Variants in NAA40 observed in about 807,000 individuals in gnomAD.
NAA40 encodes the protein N-alpha-acetyltransferase 40, NatD catalytic subunit, also known as N-alpha-acetyltransferase 40.
NAA40 carries 26 observed loss-of-function variants against 36.6 expected under a neutral mutation model. The observed-to-expected ratio is 0.71, with a 90% CI of 0.52 to 0.98. NAA40 has a LOEUF of 0.98. Ranked by LOEUF, NAA40 falls within the 50% of genes least tolerant of loss-of-function variation. The pLI, the probability that NAA40 is intolerant of heterozygous loss-of-function variation, is 0.00. For missense variants in NAA40, 237 were observed against 306.5 expected (o/e 0.77, Z 1.69); for synonymous variants, 129 against 108.4 (o/e 1.19, Z -1.18).
At chr11:63,942,185 G>A (rs1942119073) in intron 1 of NAA40, among the ~76,000 whole-genome samples, 1 of 152,136 alleles carries the variant, frequency 6.6e-6, no homozygotes, top group African/African-American at 2.4e-5. Flanking sequence ...GGAGTGGGAG[G>A]AAGAGACCGC....
At chr11:63,950,384 G>A (rs1942260409) in intron 3 of NAA40, among the ~76,000 whole-genome samples, 1 of 152,088 alleles carries the variant, frequency 6.6e-6, no homozygotes, top group South Asian at 2.1e-4. Context: ...CTCCCGAAGT[G>A]CTGAGATTGT....
At chr11:63,946,872 C>G in intron 2 of NAA40, 79 bp from the exon 3 acceptor site, 1 of 1,608,878 alleles carries the variant, frequency 6.2e-7, no homozygotes, top group Admixed American at 1.7e-5. Flanking sequence ...CATCCCACTC[C>G]AAGACAACAG....
Position 63,956,484 on chromosome 11 carries a change from A to G in NAA40, c.*2005A>G, listed in dbSNP as rs1472705968. Reference sequence around the variant, plus strand: ...TCCAGTCACTGGATACGTGGCACCAACTGGTCAATGGGTGCTTGGTGCCAT... The same window carrying G: ...TCCAGTCACTGGATACGTGGCACCAGCTGGTCAATGGGTGCTTGGTGCCAT... On this transcript the variant is annotated 3_prime_UTR_variant, in exon 8 of 8. Coordinates refer to ENST00000377793, the MANE Select transcript of NAA40 (RefSeq NM_024771.4). 6.6e-6 allele frequency: 1 copy of G among 152,488 alleles called. No homozygotes were observed. The highest frequency in any genetic ancestry group is 1.5e-5 in the Non-Finnish European group (1 of 68,044). The allele number at this position is 152,488 out of a possible 1,614,324, so 9.4% of individuals were successfully genotyped here. A position where few individuals can be genotyped will look rare whatever the true frequency, so the allele number is the denominator to read the frequency against.
chr11:63,943,587 G>A (rs1229818772), intron 1 of NAA40, among the ~76,000 whole-genome samples: 1 of 152,154 alleles, frequency 6.6e-6, no homozygotes, highest in Non-Finnish European at 1.5e-5. Flanking sequence ...CTGCAGAACT[G>A]AGTGGTCACA....
intron 3 of NAA40, among the ~76,000 whole-genome samples, chr11:63,951,139 T>C (rs571041379): frequency 5.2e-4 from 79 of 152,316 alleles, no homozygotes; most frequent in African/African-American, 1.8e-3. Flanking sequence ...CTGAAAGGTA[T>C]TGATACGGGA....
chr11:63,943,441 A>G (rs948642858), intron 1 of NAA40, among the ~76,000 whole-genome samples: 3 of 152,176 alleles, frequency 2.0e-5, no homozygotes, highest in Admixed American at 1.3e-4. Flanking sequence ...GCAGGGTGCA[A>G]GAATCTTTGT....
chr11:63,946,048 G>A (rs1182029865), intron 2 of NAA40, 113 bp downstream of exon 2: 13 of 880,836 alleles, frequency 1.5e-5, no homozygotes, highest in African/African-American at 5.0e-5. Context: ...CACCCACACC[G>A]CCTCTGCCTC....
chr11:63,954,542 C>G lies in NAA40; in HGVS notation c.*63C>G. 1 of 1,508,324 alleles carries G rather than the reference C, an allele frequency of 6.6e-7. No homozygotes were observed. Among genetic ancestry groups the G allele is most frequent in the South Asian group, 1.3e-5 (1 of 74,178 alleles). 93.4% of individuals were successfully genotyped at this position (1,508,324 alleles called of 1,614,324 possible). A position where few individuals can be genotyped will look rare whatever the true frequency, so the allele number is the denominator to read the frequency against. On this transcript the variant is annotated 3_prime_UTR_variant, in exon 8 of 8. Transcript: ENST00000377793. Reference sequence around the variant, plus strand: ...TAAGGCCTTTCCTCTTTCCTGGTCTCACTGTTCACCGGGTGTCCTCAGAGC... The same window carrying G: ...TAAGGCCTTTCCTCTTTCCTGGTCTGACTGTTCACCGGGTGTCCTCAGAGC...
chr11:63,947,458 A>G (rs12798491), intron 3 of NAA40, among the ~76,000 whole-genome samples: 1 of 151,966 alleles, frequency 6.6e-6, no homozygotes, highest in Non-Finnish European at 1.5e-5. Context: ...CTCGTGCCCT[A>G]TATTGATATA....
intron 1 of NAA40, among the ~76,000 whole-genome samples, chr11:63,942,663 C>T (rs942844831): frequency 3.9e-5 from 6 of 152,236 alleles, no homozygotes; most frequent in African/African-American, 1.2e-4. Context: ...CCCTGTAGGA[C>T]AGCCTTACTT....
chr11:63,950,054 G>GGT (rs1033999432), intron 3 of NAA40, among the ~76,000 whole-genome samples: 300 of 151,806 alleles, frequency 2.0e-3, no homozygotes, highest in African/African-American at 6.9e-3. Flanking sequence ...AAACTTGGAA[G>GGT]GTTTTTTTTA....
chr11:63,946,470 G>T, intron 2 of NAA40: 2 of 1,050,682 alleles, frequency 1.9e-6, no homozygotes, highest in East Asian at 7.6e-5. Context: ...CTCCCAAAGT[G>T]CTGGGATTAC....
chr11:63,957,090 C>T lies in NAA40; in HGVS notation c.*2611C>T, dbSNP rs890138437. On this transcript the variant is annotated 3_prime_UTR_variant, in exon 8 of 8. Coordinates refer to ENST00000377793, the MANE Select transcript of NAA40 (RefSeq NM_024771.4). ...ATTTTTAAAATTTTAGTTATATCCA[C>T]CCTATTTCAGGTTATTTTTGTTGGT... 2 of 151,242 alleles carry T rather than the reference C, an allele frequency of 1.3e-5. No individual in the cohort carries two copies. The highest frequency in any genetic ancestry group is 6.6e-5 in the Admixed American group (1 of 15,182). 9.4% of individuals were successfully genotyped at this position (151,242 alleles called of 1,614,324 possible).
rs138738195 is a variant in NAA40, at chr11:63,948,811, C to T, written c.155+1808C>T. 6.5e-3 allele frequency among the ~76,000 whole-genome samples: 983 copies of T among 152,236 alleles called. 20 individuals are homozygous for T. Among genetic ancestry groups the T allele is most frequent in the African/African-American group, 0.022 (932 of 41,556 alleles). On this transcript the variant is annotated intron_variant, in intron 3 of 7. Transcript: ENST00000377793. The stretch of plus-strand genomic sequence containing the variant: ...CTGTCCTCAAGTGATCCTCCCACCT[C>T]GGCCTCCTAAAGTGCTGTGCCCAGC...
chr11:63,943,568 C>CT (rs1042635286), intron 1 of NAA40, among the ~76,000 whole-genome samples: 1 of 152,170 alleles, frequency 6.6e-6, no homozygotes, highest in African/African-American at 2.4e-5. Context: ...CCCCTCTGCC[C>CT]TTTATTCACT....
chr11:63,939,865 G>A (rs933539474), intron 1 of NAA40, among the ~76,000 whole-genome samples: 1 of 152,074 alleles, frequency 6.6e-6, no homozygotes, highest in Non-Finnish European at 1.5e-5. Flanking sequence ...GATGGATATT[G>A]ACCACTTGTT....
At chr11:63,939,204 C>T (rs1394004868) in intron 1 of NAA40, 102 bp downstream of exon 1, 29 of 1,130,936 alleles carry the variant, frequency 2.6e-5, no homozygotes, top group Non-Finnish European at 3.1e-5. Context: ...CCGACCCCCT[C>T]CAGCCTCACG....
chr11:63,948,444 C>T (rs369708884), intron 3 of NAA40, among the ~76,000 whole-genome samples: 3 of 151,922 alleles, frequency 2.0e-5, no homozygotes, highest in African/African-American at 4.8e-5. Context: ...ATTTGCTGGG[C>T]GTGGTGGCTC....
In NAA40 at chr11:63,954,597, G is replaced by T; in HGVS notation, c.*118G>T. 1.6e-6 allele frequency: 2 copies of T among 1,224,974 alleles called. No homozygotes were observed. Among genetic ancestry groups the T allele is most frequent in the Non-Finnish European group, 2.2e-6 (2 of 914,506 alleles). 75.9% of individuals were successfully genotyped at this position (1,224,974 alleles called of 1,614,324 possible). On this transcript the variant is annotated 3_prime_UTR_variant, in exon 8 of 8. Coordinates refer to ENST00000377793, the MANE Select transcript of NAA40 (RefSeq NM_024771.4). The stretch of plus-strand genomic sequence containing the variant: ...GCCTCCCCAGCCCTGCACGTGCCAG[G>T]CTGCGCCCTGAGAGCACAGAACCCT...
Sources: allele counts gnomAD v4.1 joint callset (sites outside exome capture counted in the v4.1 genomes callset), GRCh38; gene constraint gnomAD v4.1.1; transcripts MANE v1.5; gene names NCBI Gene and HGNC (gene_info 2026-07-23, HGNC 2026-07-21).